LPA: variants seen among roughly 807,000 people sequenced by gnomAD.
The protein encoded by LPA is apolipoprotein(a).
Under a neutral mutation model 197.9 loss-of-function variants are expected in LPA, and 199 were observed. The observed-to-expected ratio is 1.01, with a 90% CI of 0.90 to 1.13. The LOEUF (loss-of-function observed/expected upper bound fraction) is 1.13, where lower values mean the gene tolerates loss of function less well. Among genes scored for constraint, LPA ranks in the 50% most tolerant of loss-of-function variants. The probability of loss-of-function intolerance (pLI) is 0.00; values close to 1 mark genes in which losing one functional copy is unlikely to be tolerated. For synonymous variants in LPA, 715 were observed against 639.5 expected, an observed-to-expected ratio of 1.12 and a Z score of -1.78; for missense variants, 1,853 against 1,785.8, an observed-to-expected ratio of 1.04 and a Z score of -0.68.
intron 34 of LPA, 76 bp downstream of exon 34, chr6:160,542,612 T>C (rs1214891113): frequency 1.2e-6 from 2 of 1,603,308 alleles, no homozygotes; most frequent in East Asian, 2.2e-5. Context: ...GCTGTGTGGG[T>C]TCTGTGTAAA....
chr6:160,641,047 A>T (rs1414702282), intron 4 of LPA, among the ~76,000 whole-genome samples, 199 bp from the exon 5 acceptor site: 2 of 139,510 alleles, frequency 1.4e-5, no homozygotes, highest in African/African-American at 2.9e-5. Context: ...TTAATAGATT[A>T]TTACTATTTT....
intron 26 of LPA, among the ~76,000 whole-genome samples, chr6:160,579,049 G>C (rs896662780): frequency 2.0e-4 from 30 of 152,016 alleles, no homozygotes; most frequent in Admixed American, 2.0e-3. Flanking sequence ...TTTGAAATAT[G>C]TATCTTAGAT....
intron 2 of LPA, among the ~76,000 whole-genome samples, chr6:160,649,005 G>C (rs1173446880): frequency 6.6e-6 from 1 of 152,144 alleles, no homozygotes; most frequent in African/African-American, 2.4e-5. Flanking sequence ...GCATAGCTGA[G>C]CCACTTGACT....
chr6:160,547,273 C>T (rs1011034080), intron 32 of LPA, among the ~76,000 whole-genome samples: 5 of 152,148 alleles, frequency 3.3e-5, no homozygotes, highest in African/African-American at 1.2e-4. Flanking sequence ...GCATTAGATT[C>T]TCATAAGGAG....
chr6:160,591,407 C>T (rs1289246946), intron 22 of LPA, among the ~76,000 whole-genome samples: 1 of 152,184 alleles, frequency 6.6e-6, no homozygotes, highest in African/African-American at 2.4e-5. Context: ...AAATATGTTA[C>T]TTTGGATTAA....
chr6:160,535,812 C>G (rs1777886339), intron 37 of LPA, among the ~76,000 whole-genome samples: 1 of 152,088 alleles, frequency 6.6e-6, no homozygotes, highest in Non-Finnish European at 1.5e-5. Flanking sequence ...GATTAAATAA[C>G]TGCCCAATGT....
intron 25 of LPA, among the ~76,000 whole-genome samples, 156 bp from the exon 26 acceptor site, chr6:160,585,361 CTT>C (rs1279244614): frequency 2.0e-5 from 3 of 152,028 alleles, no homozygotes; most frequent in African/African-American, 4.8e-5. Flanking sequence ...TACAAATAGA[CTT>C]ATAGGATTCT....
At chr6:160,575,187 G>T (rs1357358015) in intron 28 of LPA, among the ~76,000 whole-genome samples, 1 of 151,990 alleles carries the variant, frequency 6.6e-6, no homozygotes, top group Non-Finnish European at 1.5e-5. Flanking sequence ...TTGAATCTGT[G>T]AGCTTTTTTT....
At chr6:160,578,446 C>G in intron 27 of LPA, 77 bp downstream of exon 27, 4 of 1,572,768 alleles carry the variant, frequency 2.5e-6, no homozygotes, top group Non-Finnish European at 3.5e-6. Flanking sequence ...CAGTGTACCA[C>G]TGAAGGCTTC....
chr6:160,649,703 T>A (rs1411214259), intron 2 of LPA, among the ~76,000 whole-genome samples: 2 of 152,212 alleles, frequency 1.3e-5, no homozygotes, highest in African/African-American at 4.8e-5. Context: ...GGTAGTCACT[T>A]ATGTGTGAAA....
At chr6:160,533,466 C>T (rs1306139422) in intron 37 of LPA, among the ~76,000 whole-genome samples, 4 of 152,144 alleles carry the variant, frequency 2.6e-5, no homozygotes, top group Non-Finnish European at 4.4e-5. Flanking sequence ...TCTGGGTCTG[C>T]GGAGTCGCTG....
chr6:160,650,980 C>T (rs763971228), intron 1 of LPA, among the ~76,000 whole-genome samples: 15 of 152,104 alleles, frequency 9.9e-5, no homozygotes, highest in Non-Finnish European at 2.1e-4. Context: ...CATCTAGCAC[C>T]GCAGGCAAAG....
intron 16 of LPA, among the ~76,000 whole-genome samples, chr6:160,609,911 T>A (rs536338987): frequency 6.6e-6 from 1 of 152,072 alleles, no homozygotes; most frequent in Admixed American, 6.6e-5. Flanking sequence ...ACATCTAAAT[T>A]TTTCAGGCGG....
At chr6:160,551,619 T>G (rs1435615051) in intron 30 of LPA, among the ~76,000 whole-genome samples, 1 of 152,238 alleles carries the variant, frequency 6.6e-6, no homozygotes, top group Non-Finnish European at 1.5e-5. Flanking sequence ...TCCAAGGTTG[T>G]GAAGATTTTA....
intron 1 of LPA, among the ~76,000 whole-genome samples, chr6:160,653,323 G>A (rs916586376): frequency 6.6e-6 from 1 of 152,068 alleles, no homozygotes; most frequent in Non-Finnish European, 1.5e-5. Flanking sequence ...TAGAGTTAAA[G>A]TTGGACACAT....
chr6:160,542,911 G>A (rs1778005017), intron 33 of LPA, 103 bp from the exon 34 acceptor site: 1 of 1,498,532 alleles, frequency 6.7e-7, no homozygotes, highest in Non-Finnish European at 9.3e-7. Flanking sequence ...ACATCTCAAA[G>A]GTGAAATTAA....
chr6:160,541,932 A>C (rs900050350), intron 34 of LPA, among the ~76,000 whole-genome samples: 1 of 152,242 alleles, frequency 6.6e-6, no homozygotes, highest in African/African-American at 2.4e-5. Flanking sequence ...CGATGCGATC[A>C]GGTTTGTCGA....
At chr6:160,610,997 C>T (rs1287451585) in intron 16 of LPA, among the ~76,000 whole-genome samples, 2 of 152,174 alleles carry the variant, frequency 1.3e-5, no homozygotes, top group Non-Finnish European at 2.9e-5. Flanking sequence ...GCATCCCTCT[C>T]TGTGCTGACT....
chr6:160,605,477 A>G (rs1409394853), intron 17 of LPA, among the ~76,000 whole-genome samples: 1 of 152,210 alleles, frequency 6.6e-6, no homozygotes, highest in African/African-American at 2.4e-5. Flanking sequence ...TTAGAAAAAA[A>G]GGACAAATGA....
Sources: allele counts gnomAD v4.1 joint callset (sites outside exome capture counted in the v4.1 genomes callset), GRCh38; gene constraint gnomAD v4.1.1; transcripts MANE v1.5; gene names NCBI Gene and HGNC (gene_info 2026-07-23, HGNC 2026-07-21).